The following PGLYRP2 variants were observed in gnomAD, a reference collection of about 807,000 sequenced individuals.
The protein encoded by PGLYRP2 is peptidoglycan recognition protein 2.
In PGLYRP2, 38 loss-of-function variants were observed where a neutral mutation model predicts 46.2. The ratio of observed to expected loss-of-function variants is 0.82; its 90% CI spans 0.64 to 1.08. The LOEUF (loss-of-function observed/expected upper bound fraction) is 1.08. Among genes scored for constraint, PGLYRP2 ranks in the 50% least tolerant of loss-of-function variants. The pLI is 0.00. For synonymous variants in PGLYRP2, 289 were observed against 329.4 expected (o/e 0.88, Z 1.33); for missense variants, 713 against 755.9 (o/e 0.94, Z 0.67).
chr19:15,470,686 C>T (rs971372956), intron 3 of PGLYRP2, among the ~76,000 whole-genome samples: 11 of 145,956 alleles, frequency 7.5e-5, no homozygotes, highest in African/African-American at 2.5e-4. Context: ...CTCTTGTAGC[C>T]CAGGCTGGAG....
At position 15,469,879 on chromosome 19, in the gene PGLYRP2, C is replaced by T. The variant is rs753831814; in HGVS notation, c.1394G>A (p.Trp465Ter). The change falls in exon 4 of 5, where the codon TGG becomes TAG. Residue 465 changes from tryptophan to a stop codon, truncating the protein, a stop_gained. Transcript: ENST00000340880. LOFTEE classifies it high-confidence loss of function. The surrounding 1 kb of genome is among the most constrained non-coding windows in gnomAD (Gnocchi z 4.9). ...GYVYEGRGWH[W>*]VGAHTLGHNS... Reference sequence around the variant, plus strand: ...GTGGCCGAGCGTGTGGGCGCCCACCCAGTGCCAGCCGCGTCCCTCGTACAC... The same window carrying T: ...GTGGCCGAGCGTGTGGGCGCCCACCTAGTGCCAGCCGCGTCCCTCGTACAC... The T allele has an allele frequency of 2.7e-6, 4 of 1,484,436 alleles. No homozygotes were observed. The highest frequency in any genetic ancestry group is 4.8e-5 in the Admixed American group (2 of 41,370). The allele number at this position is 1,484,436 out of a possible 1,614,324, so 92.0% of individuals were successfully genotyped here. A position where few individuals can be genotyped will look rare whatever the true frequency, so the allele number is the denominator to read the frequency against.
At chr19:15,474,905 T>C (rs1199140987) in intron 2 of PGLYRP2, among the ~76,000 whole-genome samples, 2 of 151,640 alleles carry the variant, frequency 1.3e-5, no homozygotes, top group South Asian at 2.1e-4. Context: ...GAGAATTGCT[T>C]GAACCCAGGA....
In PGLYRP2 at chr19:15,476,563, T is replaced by G; in HGVS notation, c.107A>C (p.Glu36Ala). 6.2e-7 allele frequency: 1 copy of G among 1,612,450 alleles called. No homozygotes were observed. The highest frequency in any genetic ancestry group is 1.1e-5 in the South Asian group (1 of 90,814). The change falls in exon 2 of 5, where the codon GAG (glutamate) becomes GCG (alanine). Residue 36 changes from glutamate to alanine, a missense_variant. Glu to Ala is a moderately radical substitution (Grantham distance 107, BLOSUM62 -1). Coordinates refer to ENST00000340880, the MANE Select transcript of PGLYRP2 (RefSeq NM_052890.4). The part of the protein sequence containing the change: ...LMDSVIQALA[E>A]LEQKVPAAKT... ...GGCAGCTGGCACTTTCTGCTCCAGC[T>G]CAGCCAGGGCCTGGATGACAGAGTC...
rs1970719375 is a variant in PGLYRP2, at chr19:15,469,167, C to A, written c.1642-415G>T. The stretch of plus-strand genomic sequence containing the variant: ...AGGTTGTGAAGGCAAAAGGTCACAG[C>A]CTAGGTTCATGTTGTGTGGACAGAG... On this transcript the variant is annotated intron_variant, in intron 4 of 4. Coordinates refer to ENST00000340880, the MANE Select transcript of PGLYRP2 (RefSeq NM_052890.4). The surrounding 1 kb of genome is among the most constrained non-coding windows in gnomAD (Gnocchi z 4.9). The A allele has an allele frequency of 1.7e-6, 1 of 577,116 alleles. No individual in the cohort carries two copies. Among genetic ancestry groups the A allele is most frequent in the East Asian group, 2.9e-5 (1 of 35,022 alleles). 35.7% of individuals were successfully genotyped at this position (577,116 alleles called of 1,614,324 possible).
rs756474849 is a variant in PGLYRP2, at chr19:15,476,036, G to T, written c.634C>A (p.Pro212Thr). 6.2e-7 allele frequency: 1 copy of T among 1,614,204 alleles called. No homozygotes were observed. Among genetic ancestry groups the T allele is most frequent in the East Asian group, 2.2e-5 (1 of 44,866 alleles). ...GCCAGGAGGCTGTCCACCATGGTCGGTGGGGACTTGGCTTTGGCATCTGGC... is the reference window on the plus strand; with the variant it reads ...GCCAGGAGGCTGTCCACCATGGTCGTTGGGGACTTGGCTTTGGCATCTGGC... ...SLPDAKAKSPPTMVDSLLAVT... is the reference protein window; with the variant it reads ...SLPDAKAKSPTTMVDSLLAVT... The change falls in exon 2 of 5, where the codon CCG (proline) becomes ACG (threonine). Residue 212 changes from proline to threonine, a missense_variant. Pro to Thr is a conservative substitution (Grantham distance 38, BLOSUM62 -1). Transcript: ENST00000340880.
At position 15,469,977 on chromosome 19, in the gene PGLYRP2, C is replaced by T. The variant is rs554012784; in HGVS notation, c.1344-48G>A. ...AGCACCATGCGGCGTGAGGGGGACC[C>T]GGGCCCTTATCCGCTCCCCTCCCCG... On this transcript the variant is annotated intron_variant, in intron 3 of 4. Transcript: ENST00000340880. This position sits in a 1 kb window ranked among gnomAD's most constrained non-coding sequence, Gnocchi z 4.9. 7 of 1,364,364 alleles carry T rather than the reference C, an allele frequency of 5.1e-6. No homozygotes were observed. The African/African-American group carries it at 7.5e-5, about 15-fold the overall frequency. 84.5% of individuals were successfully genotyped at this position (1,364,364 alleles called of 1,614,324 possible).
chr19:15,470,463 A>G, intron 3 of PGLYRP2, among the ~76,000 whole-genome samples: 1 of 147,382 alleles, frequency 6.8e-6, no homozygotes, highest in African/African-American at 2.5e-5. Flanking sequence ...CGCCCATCTA[A>G]TTTTTTTTTT....
chr19:15,469,835 C>T lies in PGLYRP2; in HGVS notation c.1438G>A (p.Val480Met), dbSNP rs1970727452. Residue 480 changes from valine to methionine, a missense_variant, in exon 4 of 5, where the codon GTG becomes ATG. By Grantham distance (21) the Val-to-Met change is conservative. Transcript: ENST00000340880. This position sits in a 1 kb window ranked among gnomAD's most constrained non-coding sequence, Gnocchi z 4.9. ...TLGHNSRGFG[V>M]AIVGNYTAAL... is the part of the protein sequence containing the mutation. ...GCGGTGTAGTTGCCCACTATGGCCACGCCGAAGCCCCGGGAGTTGTGGCCG... is the reference window on the plus strand; with the variant it reads ...GCGGTGTAGTTGCCCACTATGGCCATGCCGAAGCCCCGGGAGTTGTGGCCG... The T allele has an allele frequency of 1.3e-6, 2 of 1,528,766 alleles. No individual in the cohort carries two copies. The highest frequency in any genetic ancestry group is 1.7e-6 in the Non-Finnish European group (2 of 1,148,880). 94.7% of individuals were successfully genotyped at this position (1,528,766 alleles called of 1,614,324 possible).
chr19:15,470,109 C>G (rs929943928), intron 3 of PGLYRP2, among the ~76,000 whole-genome samples, 180 bp from the exon 4 acceptor site: 42 of 151,860 alleles, frequency 2.8e-4, no homozygotes, highest in Non-Finnish European at 5.6e-4. Flanking sequence ...ACTCCAGGAC[C>G]GTTCGGTTTC....
intron 2 of PGLYRP2, among the ~76,000 whole-genome samples, chr19:15,474,821 A>C (rs2145518326): frequency 6.6e-6 from 1 of 152,232 alleles, no homozygotes; most frequent in South Asian, 2.1e-4. Flanking sequence ...CTCCGTCTCT[A>C]CTAAAAATAC....
At chr19:15,472,421 C>G (rs767767971) in intron 2 of PGLYRP2, among the ~76,000 whole-genome samples, 3 of 150,476 alleles carry the variant, frequency 2.0e-5, no homozygotes, top group Non-Finnish European at 4.4e-5. Context: ...GAAACCCGGT[C>G]TCTACTAAAA....
At position 15,476,564 on chromosome 19, in the gene PGLYRP2, C is replaced by T; in HGVS notation, c.106G>A (p.Glu36Lys). 1.9e-6 allele frequency: 3 copies of T among 1,612,138 alleles called. No individual in the cohort carries two copies. The highest frequency in any genetic ancestry group is 2.5e-6 in the Non-Finnish European group (3 of 1,179,160). ...GCAGCTGGCACTTTCTGCTCCAGCT[C>T]AGCCAGGGCCTGGATGACAGAGTCC... ...LMDSVIQALA[E>K]LEQKVPAAKT... The change falls in exon 2 of 5, where the codon GAG becomes AAG. Residue 36 changes from glutamate to lysine, a missense_variant. Glu to Lys is a moderately conservative substitution (Grantham distance 56). Transcript: ENST00000340880.
chr19:15,470,605 C>A (rs1024533333), intron 3 of PGLYRP2, among the ~76,000 whole-genome samples: 1 of 150,872 alleles, frequency 6.6e-6, no homozygotes, highest in Non-Finnish European at 1.5e-5. Context: ...CTGTGCCCAG[C>A]CTTCTCCCCT....
At chr19:15,477,829 A>G (rs1386161796) in intron 1 of PGLYRP2, among the ~76,000 whole-genome samples, 1 of 152,232 alleles carries the variant, frequency 6.6e-6, no homozygotes, top group African/African-American at 2.4e-5. Flanking sequence ...CTGCAAACCT[A>G]GAAATGCTAA....
chr19:15,477,737 T>G (rs1970811523), intron 1 of PGLYRP2, among the ~76,000 whole-genome samples: 1 of 150,854 alleles, frequency 6.6e-6, no homozygotes, highest in Non-Finnish European at 1.5e-5. Flanking sequence ...TAAAATAAAA[T>G]AAAATAAAAT....
chr19:15,470,706 G>A (rs978389211), intron 3 of PGLYRP2, among the ~76,000 whole-genome samples: 1 of 151,506 alleles, frequency 6.6e-6, no homozygotes, highest in Non-Finnish European at 1.5e-5. Flanking sequence ...GTGCAACGAC[G>A]CGATCTCGGC....
chr19:15,470,406 C>T (rs1970737260), intron 3 of PGLYRP2, among the ~76,000 whole-genome samples: 1 of 151,666 alleles, frequency 6.6e-6, no homozygotes, highest in Non-Finnish European at 1.5e-5. Context: ...AAGCGATTCT[C>T]CTGCCTCAGC....
In PGLYRP2 at chr19:15,476,319, C is replaced by T. The variant is rs141238743; in HGVS notation, c.351G>A (p.Ser117=). 5.8e-5 allele frequency: 93 copies of T among 1,614,048 alleles called. No individual in the cohort carries two copies. The highest frequency in any genetic ancestry group is 5.5e-4 in the Admixed American group (33 of 59,982). ...EYGVVLAPDG[S]TVAVEPLLAG... ...CCAGCAGAGGCTCCACAGCCACGGT[C>T]GAGCCATCAGGTGCCAGCACCACCC... is the stretch of plus-strand genomic sequence containing the variant. The change falls in exon 2 of 5, where the codon TCG becomes TCA. Residue 117 remains serine (S), a synonymous_variant. Transcript: ENST00000340880.
chr19:15,479,490 C>A lies in PGLYRP2; in HGVS notation c.-119G>T. ...CAGAGCCTTTGACCACTGTCAAAGT[C>A]CAGCGGCGAATGACAGACCTGCCTC... On this transcript the variant is annotated 5_prime_UTR_variant, in exon 1 of 5. Transcript: ENST00000340880. 1 of 1,029,054 alleles carries A rather than the reference C, an allele frequency of 9.7e-7. No individual in the cohort carries two copies. The highest frequency in any genetic ancestry group is 1.4e-5 in the South Asian group (1 of 72,486). 63.7% of individuals were successfully genotyped at this position (1,029,054 alleles called of 1,614,324 possible). A position where few individuals can be genotyped will look rare whatever the true frequency, so the allele number is the denominator to read the frequency against.
Sources: gnomAD v4.1 joint callset for allele counts (sites outside exome capture counted in the v4.1 genomes callset) on GRCh38, gnomAD v4.1.1 for gene constraint, Gnocchi (gnomAD v3.1) non-coding constraint, MANE v1.5 for transcripts, NCBI Gene and HGNC (gene_info 2026-07-23, HGNC 2026-07-21) for gene names.